Variants in PRKN observed in about 807,000 individuals in gnomAD.
The protein encoded by PRKN is parkin RBR E3 ubiquitin protein ligase.
In PRKN, 56 loss-of-function variants were observed where a neutral mutation model predicts 59.5. The observed-to-expected ratio is 0.94, with a 90% CI of 0.76 to 1.18. The LOEUF is 1.18. Among genes scored for constraint, PRKN ranks in the 50% most tolerant of loss-of-function variants. The probability of loss-of-function intolerance (pLI) is 0.00; values close to 1 mark genes in which losing one functional copy is unlikely to be tolerated. For missense variants in PRKN, 657 were observed against 596.4 expected (o/e 1.10, Z -1.06); for synonymous variants, 250 against 222.1 (o/e 1.13, Z -1.12).
At chr6:161,881,376 C>T (rs910992386) in intron 6 of PRKN, among the ~76,000 whole-genome samples, 3 of 152,068 alleles carry the variant, frequency 2.0e-5, no homozygotes, top group Admixed American at 6.5e-5. Flanking sequence ...CTACAAGCGT[C>T]GGAAAAATGA....
In PRKN at chr6:161,499,587, T is replaced by C. The variant is rs1463345787; in HGVS notation, c.1083+49267A>G. On this transcript the variant is annotated intron_variant, in intron 9 of 11. Coordinates refer to ENST00000366898, the MANE Select transcript of PRKN (RefSeq NM_004562.3). This position sits in a 1 kb window ranked among gnomAD's most constrained non-coding sequence, Gnocchi z 4.2. ...CTGAAAATGTGGTCCCTGGTCCACC[T>C]GGATCCAAGTTAGCTGAGTTGCTCG... 6.6e-6 allele frequency among the ~76,000 whole-genome samples: 1 copy of C among 152,174 alleles called. No homozygotes were observed. The highest frequency in any genetic ancestry group is 2.4e-5 in the African/African-American group (1 of 41,456).
intron 9 of PRKN, among the ~76,000 whole-genome samples, chr6:161,453,318 T>C (rs1789825784): frequency 6.6e-6 from 1 of 152,134 alleles, no homozygotes; most frequent in Non-Finnish European, 1.5e-5. Context: ...AATGTGTGTG[T>C]GTGCATGTGT....
At chr6:162,668,517 G>A (rs1266065069) in intron 1 of PRKN, among the ~76,000 whole-genome samples, 2 of 134,854 alleles carry the variant, frequency 1.5e-5, no homozygotes, top group Non-Finnish European at 2.9e-5. Flanking sequence ...CAGGGTAAGA[G>A]ATGAGACGAT....
At chr6:162,129,744 T>A (rs1196068326) in intron 4 of PRKN, among the ~76,000 whole-genome samples, 1 of 152,182 alleles carries the variant, frequency 6.6e-6, no homozygotes, top group Non-Finnish European at 1.5e-5. Flanking sequence ...CATAAGGTTA[T>A]TTATAATGTT....
chr6:162,167,828 C>A (rs1240043134), intron 4 of PRKN, among the ~76,000 whole-genome samples: 2 of 152,092 alleles, frequency 1.3e-5, no homozygotes, highest in Non-Finnish European at 2.9e-5. Context: ...GAGGCAAACA[C>A]CAACTGTGTT....
At chr6:162,568,841 C>T (rs1247943389) in intron 1 of PRKN, 1 of 723,436 alleles carries the variant, frequency 1.4e-6, no homozygotes, top group African/African-American at 1.7e-5. Flanking sequence ...ACTTTAAGAA[C>T]AAGTACAAGG....
At chr6:162,317,366 A>C (rs1043029036) in intron 2 of PRKN, among the ~76,000 whole-genome samples, 1 of 152,050 alleles carries the variant, frequency 6.6e-6, no homozygotes, top group Non-Finnish European at 1.5e-5. Context: ...GCCTGTCTCC[A>C]TGTAAGACCT....
intron 2 of PRKN, among the ~76,000 whole-genome samples, chr6:162,410,286 A>G (rs1252199669): frequency 6.6e-6 from 1 of 152,058 alleles, no homozygotes; most frequent in Non-Finnish European, 1.5e-5. Flanking sequence ...CATGGGGGGA[A>G]GAGATCCTCA....
At position 161,352,907 on chromosome 6, in the gene PRKN, G is replaced by A. The variant is rs1784619486; in HGVS notation, c.1286-2696C>T. ...CAATTCTCCTGCCTCAGCCTCTCGA[G>A]TAGTTGGAATTACAGGCACCTGCCA... On this transcript the variant is annotated intron_variant, in intron 11 of 11. Coordinates refer to ENST00000366898, the MANE Select transcript of PRKN (RefSeq NM_004562.3). This position sits in a 1 kb window ranked among gnomAD's most constrained non-coding sequence, Gnocchi z 5.8. Among the ~76,000 whole-genome samples, 1 of 151,922 alleles carries A rather than the reference G, an allele frequency of 6.6e-6. No homozygotes were observed. The highest frequency in any genetic ancestry group is 2.1e-4 in the South Asian group (1 of 4,806).
chr6:161,450,917 A>AC (rs1323033117), intron 9 of PRKN, among the ~76,000 whole-genome samples: 1 of 152,220 alleles, frequency 6.6e-6, no homozygotes, highest in Non-Finnish European at 1.5e-5. Flanking sequence ...GTAAATAGAA[A>AC]ACACTGAATT....
intron 2 of PRKN, among the ~76,000 whole-genome samples, chr6:162,418,756 GA>G (rs1407673399): frequency 6.6e-6 from 1 of 151,788 alleles, no homozygotes; most frequent in African/African-American, 2.4e-5. Context: ...GCACACTCAT[GA>G]AGGAATCCAA....
In PRKN at chr6:161,350,227, A is replaced by G. The variant is rs1562386632; in HGVS notation, c.1286-16T>C. On this transcript the variant is annotated splice_polypyrimidine_tract_variant and intron_variant, in intron 11 of 11. Coordinates refer to ENST00000366898, the MANE Select transcript of PRKN (RefSeq NM_004562.3). ...ATGCAGCCTCCTGTTGGGGGCAGAA[A>G]ACAAAGGTGTGGTGGGTTCGCAGCA... 4 of 1,593,272 alleles carry G rather than the reference A, an allele frequency of 2.5e-6. No homozygotes were observed. The highest frequency in any genetic ancestry group is 1.7e-5 in the Admixed American group (1 of 59,610).
chr6:162,245,114 CA>C (rs893900105), intron 3 of PRKN, among the ~76,000 whole-genome samples: 4 of 151,730 alleles, frequency 2.6e-5, no homozygotes, highest in Non-Finnish European at 4.4e-5. Context: ...TCTTAATAAT[CA>C]AAAAAAATTT....
At chr6:162,553,049 G>T (rs1475193246) in intron 1 of PRKN, among the ~76,000 whole-genome samples, 2 of 152,118 alleles carry the variant, frequency 1.3e-5, no homozygotes, top group Non-Finnish European at 2.9e-5. Flanking sequence ...GGGGAGGAAA[G>T]ATTAAATGGG....
intron 4 of PRKN, among the ~76,000 whole-genome samples, chr6:162,069,989 C>T (rs1041758152): frequency 6.6e-6 from 1 of 152,226 alleles, no homozygotes; most frequent in African/African-American, 2.4e-5. Context: ...GCAATGGCAT[C>T]ACCTTGCATT....
At chr6:162,295,489 G>A (rs1347644807) in intron 2 of PRKN, among the ~76,000 whole-genome samples, 1 of 152,102 alleles carries the variant, frequency 6.6e-6, no homozygotes, top group Non-Finnish European at 1.5e-5. Flanking sequence ...AGCTGAGATC[G>A]AATTTATTCA....
intron 6 of PRKN, among the ~76,000 whole-genome samples, chr6:161,794,881 TTTA>T (rs1790775192): frequency 6.6e-6 from 1 of 152,172 alleles, no homozygotes; most frequent in South Asian, 2.1e-4. Flanking sequence ...TGCTTTTATA[TTTA>T]ACTTAGCATT....
At chr6:161,840,975 TA>T (rs1480570895) in intron 6 of PRKN, among the ~76,000 whole-genome samples, 1 of 152,096 alleles carries the variant, frequency 6.6e-6, no homozygotes, top group Non-Finnish European at 1.5e-5. Context: ...GATGGGATTG[TA>T]AAAAAAGTTC....
intron 9 of PRKN, among the ~76,000 whole-genome samples, chr6:161,434,140 T>C (rs142512755): frequency 0.023 from 3,574 of 152,266 alleles, 55 homozygotes; most frequent in Middle Eastern, 0.082. Flanking sequence ...CAAAATTTTG[T>C]ATGTGGGGAA....
Sources: allele counts gnomAD v4.1 joint callset (sites outside exome capture counted in the v4.1 genomes callset), GRCh38; gene constraint gnomAD v4.1.1; non-coding constraint Gnocchi (gnomAD v3.1); transcripts MANE v1.5; gene names NCBI Gene and HGNC (gene_info 2026-07-23, HGNC 2026-07-21).